Variants in MBD2 observed in about 807,000 individuals in gnomAD.
MBD2 encodes methyl-CpG-binding domain protein 2.
MBD2 carries 9 observed loss-of-function variants against 39.3 expected under a neutral mutation model. The observed-to-expected ratio is 0.23, with a 90% CI of 0.14 to 0.40. The LOEUF (loss-of-function observed/expected upper bound fraction) is 0.40. Among genes scored for constraint, MBD2 ranks in the 10% least tolerant of loss-of-function variants. The probability of loss-of-function intolerance (pLI) is 1.00; values close to 1 mark genes in which losing one functional copy is unlikely to be tolerated. For missense variants in MBD2, 458 were observed against 532.6 expected, an observed-to-expected ratio of 0.86 and a Z score of 1.38; for synonymous variants, 233 against 211.1, an observed-to-expected ratio of 1.10 and a Z score of -0.90.
intron 3 of MBD2, among the ~76,000 whole-genome samples, chr18:54,176,126 T>C (rs2086211578): frequency 6.6e-6 from 1 of 152,248 alleles, no homozygotes. Flanking sequence ...AGCATGATGC[T>C]AGACACAAAA....
chr18:54,214,036 C>A (rs2086534033), intron 1 of MBD2, among the ~76,000 whole-genome samples: 1 of 147,774 alleles, frequency 6.8e-6, no homozygotes, highest in Non-Finnish European at 1.5e-5. Flanking sequence ...ACAAACATTG[C>A]CTGATAAAAC....
chr18:54,224,434 G>C lies in MBD2; in HGVS notation c.126C>G (p.Ala42=), dbSNP rs1372755959. 6.4e-6 allele frequency: 8 copies of C among 1,241,834 alleles called. No individual in the cohort carries two copies. Among genetic ancestry groups the C allele is most frequent in the Non-Finnish European group, 8.0e-6 (8 of 996,502 alleles). The allele number at this position is 1,241,834 out of a possible 1,614,324, so 76.9% of individuals were successfully genotyped here. ...TGCGCACGCCGCTCACCGGGGACGG[G>C]GCGAGCGCGCTGCCCTGGCCCCCCT... ...IEQGGQGSAL[A]PSPVSGVRRE... The change falls in exon 1 of 7, where the codon GCC becomes GCG. Residue 42 remains alanine, a synonymous_variant. Transcript: ENST00000256429.
intron 1 of MBD2, among the ~76,000 whole-genome samples, chr18:54,222,658 G>A (rs934966562): frequency 6.6e-6 from 1 of 152,088 alleles, no homozygotes; most frequent in African/African-American, 2.4e-5. Flanking sequence ...TATCATATGA[G>A]GTTTCAAGAT....
chr18:54,193,651 C>G (rs2086340914), intron 2 of MBD2, among the ~76,000 whole-genome samples: 1 of 151,660 alleles, frequency 6.6e-6, no homozygotes, highest in Admixed American at 6.6e-5. Flanking sequence ...AACAGAAAAT[C>G]AAGAACAAGG....
At position 54,175,745 on chromosome 18, in the gene MBD2, G is replaced by A. The variant is rs572534889; in HGVS notation, c.841-9579C>T. Among the ~76,000 whole-genome samples the A allele has an allele frequency of 2.0e-5, 3 of 152,098 alleles. No individual in the cohort carries two copies. The East Asian group carries it at 5.8e-4, about 29-fold the overall frequency. Reference sequence around the variant, plus strand: ...TCTTATTTATATGAACACTGACCTTGCCCAAGGTCACAGTCACCTAATTAC... The same window carrying A: ...TCTTATTTATATGAACACTGACCTTACCCAAGGTCACAGTCACCTAATTAC... On this transcript the variant is annotated intron_variant, in intron 3 of 6. Transcript: ENST00000256429.
chr18:54,176,684 CT>C (rs1175041265), intron 3 of MBD2, among the ~76,000 whole-genome samples: 1 of 152,146 alleles, frequency 6.6e-6, no homozygotes, highest in Non-Finnish European at 1.5e-5. Flanking sequence ...TCTGAATTGT[CT>C]AGTTATGGTC....
rs192950162 is a variant in MBD2 at position 54,181,061 on chromosome 18, T to G, written c.840+7813A>C. Among the ~76,000 whole-genome samples the G allele has an allele frequency of 1.7e-4, 26 of 152,124 alleles. No homozygotes were observed. The East Asian group carries it at 4.6e-3, about 27-fold the overall frequency. On this transcript the variant is annotated intron_variant, in intron 3 of 6. Transcript: ENST00000256429. ...GGCACGCGCCACCATGCTCGGCTAA[T>G]TTTTGGCATTTTTAGTAGAGATGCG... is the stretch of plus-strand genomic sequence containing the variant.
chr18:54,180,501 C>T (rs964292396), intron 3 of MBD2, among the ~76,000 whole-genome samples: 4 of 152,044 alleles, frequency 2.6e-5, no homozygotes, highest in Non-Finnish European at 5.9e-5. Context: ...AATTGTGATA[C>T]ATCTAGGTTG....
rs2086636554 is a variant in MBD2, at chr18:54,223,969, CT to C, written c.542+48del. ...CTCTGCCCAGGCCCGCTCTTGACCC[CT>C]GACCCCGGCCTGACCCCGCCACCCC... On this transcript the variant is annotated intron_variant, in intron 1 of 6. Coordinates refer to ENST00000256429, the MANE Select transcript of MBD2 (RefSeq NM_003927.5). 5 of 1,489,270 alleles carry C rather than the reference CT, an allele frequency of 3.4e-6. No homozygotes were observed. In the African/African-American group the frequency reaches 4.2e-5, roughly 12 times the overall value. 92.3% of individuals were successfully genotyped at this position (1,489,270 alleles called of 1,614,324 possible).
intron 1 of MBD2, among the ~76,000 whole-genome samples, chr18:54,218,354 C>A (rs1394959869): frequency 6.6e-6 from 1 of 152,094 alleles, no homozygotes; most frequent in Non-Finnish European, 1.5e-5. Flanking sequence ...GCTTCACTAC[C>A]AAATAGGATT....
chr18:54,164,635 A>ATTG lies in MBD2; in HGVS notation c.996_997insCAA (p.Ser332_Ser333insGln). Reference sequence around the variant, plus strand: ...GAGACTTGCCCTGTGATTGGCGCAGAGCTTGTGTGCAAAGCACTGGCAACA... The same window carrying ATTG: ...GAGACTTGCCCTGTGATTGGCGCAGATTGGCTTGTGTGCAAAGCACTGGCAACA... On this transcript the variant is annotated inframe_insertion, in exon 5 of 7. Coordinates refer to ENST00000256429, the MANE Select transcript of MBD2 (RefSeq NM_003927.5). 6.2e-7 allele frequency: 1 copy of ATTG among 1,614,172 alleles called. No individual in the cohort carries two copies. The highest frequency in any genetic ancestry group is 2.2e-5 in the East Asian group (1 of 44,876).
intron 2 of MBD2, among the ~76,000 whole-genome samples, chr18:54,193,037 T>C (rs1255793625): frequency 6.6e-6 from 1 of 152,216 alleles, no homozygotes; most frequent in African/African-American, 2.4e-5. Context: ...TAATTTATTA[T>C]TCTAAAACAG....
intron 1 of MBD2, among the ~76,000 whole-genome samples, chr18:54,216,269 T>C (rs2086560671): frequency 6.6e-6 from 1 of 152,266 alleles, no homozygotes; most frequent in African/African-American, 2.4e-5. Flanking sequence ...TTACTTCAGC[T>C]ATTCAATATT....
At chr18:54,161,354 T>C (rs1378340688) in intron 5 of MBD2, among the ~76,000 whole-genome samples, 1 of 152,228 alleles carries the variant, frequency 6.6e-6, no homozygotes, top group Non-Finnish European at 1.5e-5. Context: ...ATAGCCTCTG[T>C]CATATTAAAA....
intron 2 of MBD2, among the ~76,000 whole-genome samples, chr18:54,200,781 G>A (rs1168986294): frequency 2.6e-5 from 4 of 152,118 alleles, no homozygotes; most frequent in African/African-American, 4.8e-5. Context: ...TAATTTTAAA[G>A]TAAAACTAAA....
intron 1 of MBD2, among the ~76,000 whole-genome samples, chr18:54,205,899 G>GA (rs1353090458): frequency 1.3e-5 from 2 of 151,166 alleles, no homozygotes; most frequent in Admixed American, 6.6e-5. Flanking sequence ...GCAATAATCA[G>GA]AAAAAACTTG....
intron 6 of MBD2, among the ~76,000 whole-genome samples, chr18:54,155,953 G>C (rs987350107): frequency 2.0e-5 from 3 of 151,698 alleles, no homozygotes; most frequent in Non-Finnish European, 2.9e-5. Flanking sequence ...AGTAAATTGC[G>C]GCCTGTTATT....
rs191875946 is a variant in MBD2 at position 54,156,114 on chromosome 18, A to G, written c.*13-803T>C. On this transcript the variant is annotated intron_variant, in intron 6 of 6. Coordinates refer to ENST00000256429, the MANE Select transcript of MBD2 (RefSeq NM_003927.5). ...ATGGCCACATCTCACCCTTTGCCCA[A>G]CTAAGTCCTACCTATACCACAGGTT... is the stretch of plus-strand genomic sequence containing the variant. 5.3e-5 allele frequency among the ~76,000 whole-genome samples: 8 copies of G among 152,334 alleles called. No individual in the cohort carries two copies. In the East Asian group the frequency reaches 1.5e-3, roughly 29 times the overall value.
intron 2 of MBD2, among the ~76,000 whole-genome samples, chr18:54,194,602 A>G (rs989571351): frequency 6.6e-6 from 1 of 151,876 alleles, no homozygotes; most frequent in African/African-American, 2.4e-5. Flanking sequence ...TTTTTAAATA[A>G]TTTTATGTTC....
Sources: allele counts gnomAD v4.1 joint callset (sites outside exome capture counted in the v4.1 genomes callset), GRCh38; gene constraint gnomAD v4.1.1; transcripts MANE v1.5; gene names NCBI Gene and HGNC (gene_info 2026-07-23, HGNC 2026-07-21).